Variants in DLG4 observed in about 807,000 individuals in gnomAD.
The protein encoded by DLG4 is discs large MAGUK scaffold protein 4.
A neutral mutation model predicts 93.8 loss-of-function variants in DLG4; 7 were observed. The ratio of observed to expected loss-of-function variants is 0.07; its 90% CI spans 0.04 to 0.14. The LOEUF (loss-of-function observed/expected upper bound fraction) is 0.14. DLG4 is among the 10% of genes least tolerant of loss of function. The probability of loss-of-function intolerance (pLI) is 1.00; values close to 1 mark genes in which losing one functional copy is unlikely to be tolerated. For missense variants in DLG4, 545 were observed against 992.9 expected, an observed-to-expected ratio of 0.55 and a Z score of 6.06; for synonymous variants, 341 against 387.6, an observed-to-expected ratio of 0.88 and a Z score of 1.41.
At chr17:7,204,743 G>A (rs2070367989) in intron 2 of DLG4, among the ~76,000 whole-genome samples, 1 of 129,068 alleles carries the variant, frequency 7.7e-6, no homozygotes, top group Non-Finnish European at 1.6e-5. Context: ...TATCTACCCA[G>A]ATATTTTCAT....
chr17:7,208,182 G>A lies in DLG4; in HGVS notation c.88C>T (p.Pro30Ser). 7.6e-7 allele frequency: 1 copy of A among 1,315,758 alleles called. No homozygotes were observed. The highest frequency in any genetic ancestry group is 9.8e-7 in the Non-Finnish European group (1 of 1,022,738). 81.5% of individuals were successfully genotyped at this position (1,315,758 alleles called of 1,614,324 possible). A position where few individuals can be genotyped will look rare whatever the true frequency, so the allele number is the denominator to read the frequency against. The change falls in exon 2 of 20, where the codon CCC (proline) becomes TCC (serine). Residue 30 changes from proline (P) to serine (S), a missense_variant. Coordinates refer to ENST00000399506, the MANE Select transcript of DLG4 (RefSeq NM_001321075.3). The surrounding 1 kb of genome is among the most constrained non-coding windows in gnomAD (Gnocchi z 5.4). ...AGCTCGGGGGCGTTTACCTGGTTGG[G>A]GAGGTGGGCCGGGCTGTGCTCCAGA... ...PPLEHSPAHL[P>S]NQANSPPVIV... is the part of the protein sequence containing the mutation.
In DLG4 at chr17:7,191,369, G is replaced by A. The variant is rs766642848; in HGVS notation, c.1977-11C>T. On this transcript the variant is annotated splice_polypyrimidine_tract_variant and intron_variant, in intron 18 of 19. Coordinates refer to ENST00000399506, the MANE Select transcript of DLG4 (RefSeq NM_001321075.3). The surrounding 1 kb of genome is among the most constrained non-coding windows in gnomAD (Gnocchi z 6.6). ...CGCTTGTTAATCTCTCTGTGAAGAG[G>A]GAGGGAGAGCAGGCCTGAGACTGGA... 2 of 1,613,110 alleles carry A rather than the reference G, an allele frequency of 1.2e-6. No individual in the cohort carries two copies. The highest frequency in any genetic ancestry group is 1.7e-6 in the Non-Finnish European group (2 of 1,179,210).
At position 7,195,492 on chromosome 17, in the gene DLG4, C is replaced by G. The variant is rs1342991380; in HGVS notation, c.1301+728G>C. ...GGCACAGCAAGATGGAACCCAGGCC[C>G]ACAGCAGGATGATGAGCTCAGCGTG... On this transcript the variant is annotated intron_variant, in intron 11 of 19. Coordinates refer to ENST00000399506, the MANE Select transcript of DLG4 (RefSeq NM_001321075.3). This position sits in a 1 kb window ranked among gnomAD's most constrained non-coding sequence, Gnocchi z 4.3. Among the ~76,000 whole-genome samples, 2 of 152,164 alleles carry G rather than the reference C, an allele frequency of 1.3e-5. No homozygotes were observed. Among genetic ancestry groups the G allele is most frequent in the Non-Finnish European group, 2.9e-5 (2 of 68,032 alleles).
chr17:7,218,369 C>T, upstream of DLG4: 1 of 1,476,026 alleles, frequency 6.8e-7, no homozygotes, highest in Admixed American at 1.9e-5. Flanking sequence ...GGCTGGCTGG[C>T]AAGGGAGGAG....
rs535269489 is a variant in DLG4, at chr17:7,196,143, C to A, written c.1301+77G>T. ...GAGCAGGCAGGGTGGAGAAGAGGAGCGGCTGAGGCCCGGGCCAGGCACAGA... is the reference window on the plus strand; with the variant it reads ...GAGCAGGCAGGGTGGAGAAGAGGAGAGGCTGAGGCCCGGGCCAGGCACAGA... On this transcript the variant is annotated intron_variant, in intron 11 of 19. Coordinates refer to ENST00000399506, the MANE Select transcript of DLG4 (RefSeq NM_001321075.3). This position sits in a 1 kb window ranked among gnomAD's most constrained non-coding sequence, Gnocchi z 8.3. 1.8e-6 allele frequency: 2 copies of A among 1,094,688 alleles called. No homozygotes were observed. Among genetic ancestry groups the A allele is most frequent in the Non-Finnish European group, 2.7e-6 (2 of 752,876 alleles). The allele number at this position is 1,094,688 out of a possible 1,614,324, so 67.8% of individuals were successfully genotyped here.
intron 8 of DLG4, 26 bp downstream of exon 8, chr17:7,202,877 A>G (rs765505577): frequency 1.9e-6 from 3 of 1,613,208 alleles, no homozygotes; most frequent in Non-Finnish European, 2.5e-6. Flanking sequence ...GGTCATGGGG[A>G]ACTTTGGTGT....
chr17:7,208,692 C>T lies in DLG4; in HGVS notation c.31-453G>A, dbSNP rs1374319453. Among the ~76,000 whole-genome samples the T allele has an allele frequency of 4.6e-5, 7 of 152,044 alleles. No homozygotes were observed. Among genetic ancestry groups the T allele is most frequent in the African/African-American group, 1.7e-4 (7 of 41,382 alleles). ...ATCTCAGACTCACTCTTGTTCTAGC[C>T]TCCCCTCCCCTACCCCTCTGGCTGC... is the stretch of plus-strand genomic sequence containing the variant. On this transcript the variant is annotated intron_variant, in intron 1 of 19. Transcript: ENST00000399506. The surrounding 1 kb of genome is among the most constrained non-coding windows in gnomAD (Gnocchi z 5.4).
At chr17:7,199,930 A>T (rs191641982) in intron 8 of DLG4, among the ~76,000 whole-genome samples, 31 of 151,606 alleles carry the variant, frequency 2.0e-4, no homozygotes, top group Non-Finnish European at 3.1e-4. Flanking sequence ...CAGTGAGCCA[A>T]GATCGTGCCA....
Position 7,196,130 on chromosome 17 carries a change from TG to T in DLG4, c.1301+89del. 1.1e-6 allele frequency: 1 copy of T among 931,176 alleles called. No homozygotes were observed. The highest frequency in any genetic ancestry group is 1.6e-6 in the Non-Finnish European group (1 of 612,674). The allele number at this position is 931,176 out of a possible 1,614,324, so 57.7% of individuals were successfully genotyped here. On this transcript the variant is annotated intron_variant, in intron 11 of 19. Transcript: ENST00000399506. The surrounding 1 kb of genome is among the most constrained non-coding windows in gnomAD (Gnocchi z 8.3). ...GGGTGGGGAGCTAGAGCAGGCAGGGTGGAGAAGAGGAGCGGCTGAGGCCCGG... is the reference window on the plus strand; with the variant it reads ...GGGTGGGGAGCTAGAGCAGGCAGGGTGAGAAGAGGAGCGGCTGAGGCCCGG...
chr17:7,215,131 T>A (rs1422976201), intron 1 of DLG4, among the ~76,000 whole-genome samples: 1 of 152,172 alleles, frequency 6.6e-6, no homozygotes, highest in African/African-American at 2.4e-5. Context: ...AGCAACCCTC[T>A]AACATTGAGG....
rs761442981 is a variant in DLG4, at chr17:7,204,074, G to A, written c.151-7C>T. 3.7e-6 allele frequency: 6 copies of A among 1,607,214 alleles called. No individual in the cohort carries two copies. Among genetic ancestry groups the A allele is most frequent in the South Asian group, 1.1e-5 (1 of 89,718 alleles). ...TCCCGTTCACCTGCAACTCCAGCAC[G>A]GGACAGAAACACAAAAGCAGTGAGA... is the stretch of plus-strand genomic sequence containing the variant. On this transcript the variant is annotated splice_region_variant and splice_polypyrimidine_tract_variant and intron_variant, in intron 3 of 19. Coordinates refer to ENST00000399506, the MANE Select transcript of DLG4 (RefSeq NM_001321075.3).
chr17:7,214,879 C>T (rs1158374490), intron 1 of DLG4, among the ~76,000 whole-genome samples: 1 of 152,158 alleles, frequency 6.6e-6, no homozygotes, highest in Non-Finnish European at 1.5e-5. Flanking sequence ...GGGCCTAGCA[C>T]GCAGTAGGCT....
At chr17:7,216,263 A>G (rs2070910536) in intron 1 of DLG4, among the ~76,000 whole-genome samples, 2 of 152,010 alleles carry the variant, frequency 1.3e-5, no homozygotes, top group Non-Finnish European at 2.9e-5. Flanking sequence ...TCAGGGCTAG[A>G]TACAGTGTGG....
chr17:7,210,747 T>A (rs1490802276), intron 1 of DLG4, among the ~76,000 whole-genome samples: 1 of 151,662 alleles, frequency 6.6e-6, no homozygotes, highest in African/African-American at 2.4e-5. Context: ...TGGGGGAGGG[T>A]TTGAGTCCAG....
At position 7,193,165 on chromosome 17, in the gene DLG4, T is replaced by C. The variant is rs370105015; in HGVS notation, c.1694-48A>G. ...CCCAAAGATCTAACCACCATCCCTC[T>C]AGCTTAAATCCTGCCTACTTCAATC... On this transcript the variant is annotated intron_variant, in intron 16 of 19. Coordinates refer to ENST00000399506, the MANE Select transcript of DLG4 (RefSeq NM_001321075.3). The surrounding 1 kb of genome is among the most constrained non-coding windows in gnomAD (Gnocchi z 6.7). The C allele has an allele frequency of 1.3e-3, 2,132 of 1,605,866 alleles. 4 individuals are homozygous for C. The highest frequency in any genetic ancestry group is 2.1e-3 in the Admixed American group (126 of 59,798).
At chr17:7,197,503 T>G (rs314249) in intron 8 of DLG4, among the ~76,000 whole-genome samples, 3,202 of 152,072 alleles carry the variant, frequency 0.021, 130 homozygotes, top group African/African-American at 0.072. Context: ...TTTGTTTTTT[T>G]GGGGTTTTTT....
upstream of DLG4, chr17:7,219,569 G>A (rs1449157925): frequency 9.0e-7 from 1 of 1,115,024 alleles, no homozygotes; most frequent in East Asian, 7.0e-5. Flanking sequence ...GTCTTTCCAT[G>A]TCTCTGCCTC....
chr17:7,211,821 C>CGGG (rs1318925894), intron 1 of DLG4: 3 of 3,682 alleles, frequency 8.1e-4, no homozygotes, highest in South Asian at 0.014. Flanking sequence ...GAGGCTGCGG[C>CGGG]GGGGGGGGGG....
chr17:7,218,430 C>A, upstream of DLG4: 1 of 1,383,618 alleles, frequency 7.2e-7, no homozygotes, highest in South Asian at 1.2e-5. Flanking sequence ...ATAGGCAGGA[C>A]CCTGCATGGT....
Sources: allele counts gnomAD v4.1 joint callset (sites outside exome capture counted in the v4.1 genomes callset), GRCh38; gene constraint gnomAD v4.1.1; non-coding constraint Gnocchi (gnomAD v3.1); transcripts MANE v1.5; gene names NCBI Gene and HGNC (gene_info 2026-07-23, HGNC 2026-07-21).